Variants in SSR1 observed in about 807,000 individuals in gnomAD.
The protein encoded by SSR1 is signal sequence receptor subunit 1.
A neutral mutation model predicts 36.1 loss-of-function variants in SSR1; 13 were observed. The ratio of observed to expected loss-of-function variants is 0.36; its 90% CI spans 0.23 to 0.57. The LOEUF (loss-of-function observed/expected upper bound fraction) is 0.57. Among genes scored for constraint, SSR1 ranks in the 20% least tolerant of loss-of-function variants. The pLI is 0.81. For missense variants in SSR1, 291 were observed against 338.5 expected, an observed-to-expected ratio of 0.86 and a Z score of 1.10; for synonymous variants, 113 against 118.9, an observed-to-expected ratio of 0.95 and a Z score of 0.32.
At chr6:7,310,313 A>G (rs7746737) in intron 1 of SSR1, among the ~76,000 whole-genome samples, 45,645 of 150,636 alleles carry the variant, frequency 0.3, 7,675 homozygotes, top group African/African-American at 0.46. Context: ...CTGCAGCCTC[A>G]AACTCCTGGG....
chr6:7,312,627 G>A (rs978601518), intron 1 of SSR1, among the ~76,000 whole-genome samples: 2 of 152,230 alleles, frequency 1.3e-5, no homozygotes, highest in Non-Finnish European at 2.9e-5. Flanking sequence ...GAGCGCGAGG[G>A]GCTGGGGGTG....
intron 2 of SSR1, among the ~76,000 whole-genome samples, chr6:7,305,202 G>T (rs1408682631): frequency 1.3e-5 from 2 of 152,202 alleles, no homozygotes; most frequent in African/African-American, 4.8e-5. Context: ...ACAACAGCTT[G>T]AATCACTGGA....
rs528447967 is a variant in SSR1, at chr6:7,297,709, C to T, written c.699+214G>A. 3.9e-5 allele frequency among the ~76,000 whole-genome samples: 6 copies of T among 151,940 alleles called. No homozygotes were observed. In the East Asian group the frequency reaches 1.2e-3, roughly 29 times the overall value. On this transcript the variant is annotated intron_variant, in intron 6 of 7. Coordinates refer to ENST00000244763, the MANE Select transcript of SSR1 (RefSeq NM_003144.5). ...CACTGCACACTCCAGCCTTGGGTGA[C>T]AAAGTAAGACTCTGTCTCCAGAAAA...
At chr6:7,298,582 T>C (rs1168537901) in intron 5 of SSR1, 165 bp downstream of exon 5, 7 of 563,960 alleles carry the variant, frequency 1.2e-5, no homozygotes, top group East Asian at 2.8e-5. Context: ...TTGACTTTTA[T>C]AGTTATAAGA....
At chr6:7,294,119 G>A (rs2113277742) in intron 7 of SSR1, among the ~76,000 whole-genome samples, 1 of 152,184 alleles carries the variant, frequency 6.6e-6, no homozygotes, top group East Asian at 1.9e-4. Flanking sequence ...AGTATCATCT[G>A]TAGGAGTGAA....
At chr6:7,306,730 C>T (rs955957820) in intron 2 of SSR1, among the ~76,000 whole-genome samples, 3 of 151,556 alleles carry the variant, frequency 2.0e-5, no homozygotes, top group Non-Finnish European at 4.4e-5. Flanking sequence ...TCCTGGCTAA[C>T]ATGGTGAAAC....
intron 7 of SSR1, 147 bp downstream of exon 7, chr6:7,295,241 CTTAA>C (rs1258724812): frequency 4.1e-5 from 44 of 1,077,254 alleles, no homozygotes; most frequent in Non-Finnish European, 5.4e-5. Context: ...CCTTTAAGGT[CTTAA>C]TTAATCACTA....
chr6:7,290,942 G>GGA (rs1757666990), intron 7 of SSR1, among the ~76,000 whole-genome samples: 1 of 143,864 alleles, frequency 7.0e-6, no homozygotes, highest in Admixed American at 6.9e-5. Context: ...CGCCCAGGCT[G>GGA]GAGTGCAGTG....
At position 7,301,383 on chromosome 6, in the gene SSR1, G is replaced by A; in HGVS notation, c.470C>T (p.Ser157Phe). ...GCCCATGGGCTCTGCAGGAATGAAA[G>A]AGTACTCAAAAGTTGCCTGTCTCTG... ...PPQRQATFEY[S>F]FIPAEPMGGR... The change falls in exon 4 of 8, where the codon TCT becomes TTT. Residue 157 changes from serine (S) to phenylalanine (F), a missense_variant. Transcript: ENST00000244763. 3 of 1,614,192 alleles carry A rather than the reference G, an allele frequency of 1.9e-6. No individual in the cohort carries two copies. The highest frequency in any genetic ancestry group is 2.5e-6 in the Non-Finnish European group (3 of 1,180,040).
chr6:7,312,269 A>G (rs1030538657), intron 1 of SSR1, among the ~76,000 whole-genome samples: 1 of 152,230 alleles, frequency 6.6e-6, no homozygotes, highest in Non-Finnish European at 1.5e-5. Flanking sequence ...GAATAAATCT[A>G]TGTATTAAAA....
Position 7,295,377 on chromosome 6 carries a change from T to C in SSR1, c.793+15A>G. The C allele has an allele frequency of 6.3e-7, 1 of 1,583,564 alleles. No individual in the cohort carries two copies. The highest frequency in any genetic ancestry group is 2.2e-5 in the East Asian group (1 of 44,684). On this transcript the variant is annotated intron_variant, in intron 7 of 7. Transcript: ENST00000244763. ...AAGAGAAAAACTTCCCAGCCAAGTCTGTAAGACTACTTACTGATTTGATTC... is the reference window on the plus strand; with the variant it reads ...AAGAGAAAAACTTCCCAGCCAAGTCCGTAAGACTACTTACTGATTTGATTC...
At chr6:7,298,204 C>G (rs1349289237) in intron 5 of SSR1, among the ~76,000 whole-genome samples, 2 of 152,090 alleles carry the variant, frequency 1.3e-5, no homozygotes, top group Admixed American at 6.6e-5. Flanking sequence ...AAAAAAAACT[C>G]TATGATTGAA....
Position 7,313,003 on chromosome 6 carries a change from C to G in SSR1, c.79+39G>C, listed in dbSNP as rs746075538. 23 of 1,564,034 alleles carry G rather than the reference C, an allele frequency of 1.5e-5. No homozygotes were observed. In the Admixed American group the frequency reaches 3.8e-4, roughly 26 times the overall value. ...TCAAACTTGCCATCACTGGCATCTCCTTCCTGGCCATCCCCTCCGCACACT... is the reference window on the plus strand; with the variant it reads ...TCAAACTTGCCATCACTGGCATCTCGTTCCTGGCCATCCCCTCCGCACACT... On this transcript the variant is annotated intron_variant, in intron 1 of 7. Transcript: ENST00000244763.
chr6:7,303,863 T>C (rs1180150538), intron 2 of SSR1, among the ~76,000 whole-genome samples: 3 of 152,140 alleles, frequency 2.0e-5, no homozygotes, highest in African/African-American at 7.2e-5. Context: ...GGCACATGCC[T>C]GTAATCCCAG....
intron 4 of SSR1, among the ~76,000 whole-genome samples, chr6:7,300,328 G>A (rs1010990919): frequency 4.6e-5 from 7 of 152,192 alleles, no homozygotes; most frequent in African/African-American, 1.4e-4. Flanking sequence ...GAATGGTTTA[G>A]ATGTGCTCTC....
At chr6:7,292,813 C>T (rs35751889) in intron 7 of SSR1, among the ~76,000 whole-genome samples, 6,428 of 152,236 alleles carry the variant, frequency 0.042, 282 homozygotes, top group Admixed American at 0.11. Context: ...TTTCAAGACT[C>T]GGGTCTAGTG....
chr6:7,303,670 A>G, intron 2 of SSR1, 33 bp from the exon 3 acceptor site: 1 of 1,469,856 alleles, frequency 6.8e-7, no homozygotes, highest in Non-Finnish European at 9.4e-7. Context: ...GGAGATTACT[A>G]TGGGAGAAAA....
intron 3 of SSR1, 126 bp from the exon 4 acceptor site, chr6:7,301,698 A>G: frequency 1.1e-6 from 1 of 951,450 alleles, no homozygotes; most frequent in Non-Finnish European, 1.5e-6. Flanking sequence ...CCCTTCCAAT[A>G]GAGCACTCCA....
intron 2 of SSR1, among the ~76,000 whole-genome samples, chr6:7,304,748 C>A (rs767892134): frequency 1.8e-4 from 28 of 152,210 alleles, no homozygotes; most frequent in Non-Finnish European, 3.1e-4. Flanking sequence ...GAGACAGTCA[C>A]ACCTTTGAAG....
Sources: allele counts gnomAD v4.1 joint callset (sites outside exome capture counted in the v4.1 genomes callset), GRCh38; gene constraint gnomAD v4.1.1; transcripts MANE v1.5; gene names NCBI Gene and HGNC (gene_info 2026-07-23, HGNC 2026-07-21).